The following TRIM58 variants were observed in gnomAD, a reference collection of about 807,000 sequenced individuals.
TRIM58 encodes the protein tripartite motif containing 58, also known as E3 ubiquitin-protein ligase TRIM58.
A neutral mutation model predicts 34.1 loss-of-function variants in TRIM58; 38 were observed. The ratio of observed to expected loss-of-function variants is 1.12; its 90% CI spans 0.86 to 1.46. The LOEUF is 1.46. Ranked by LOEUF, TRIM58 falls within the 40% of genes most tolerant of loss-of-function variation. The pLI is 0.00. For synonymous variants in TRIM58, 273 were observed against 275.7 expected (o/e 0.99, Z 0.10); for missense variants, 677 against 642.0 (o/e 1.05, Z -0.59).
intron 3 of TRIM58, among the ~76,000 whole-genome samples, chr1:247,867,617 G>T (rs916437652): frequency 1.1e-4 from 17 of 152,130 alleles, no homozygotes; most frequent in African/African-American, 4.1e-4. Flanking sequence ...AGGCAGGGAG[G>T]TGGAGGTCGC....
At chr1:247,863,755 A>G (rs567913775) in intron 2 of TRIM58, among the ~76,000 whole-genome samples, 124 of 152,350 alleles carry the variant, frequency 8.1e-4, no homozygotes, top group Non-Finnish European at 1.4e-3. Context: ...TTGAGAGAAG[A>G]AAATCTAGAA....
intron 1 of TRIM58, 73 bp downstream of exon 1, chr1:247,857,739 G>T (rs547140075): frequency 2.5e-6 from 3 of 1,198,810 alleles, no homozygotes; most frequent in Non-Finnish European, 3.1e-6. Flanking sequence ...GAGCGGAGCC[G>T]CCGAGGCCAC....
At position 247,876,377 on chromosome 1, in the gene TRIM58, T is replaced by C. The variant is rs187060639; in HGVS notation, c.1349T>C (p.Ile450Thr). The C allele has an allele frequency of 1.1e-4, 182 of 1,614,220 alleles. No individual in the cohort carries two copies. In the East Asian group the frequency reaches 3.4e-3, roughly 30 times the overall value. The change falls in exon 6 of 6, where the codon ATC becomes ACC. Residue 450 changes from isoleucine to threonine, a missense_variant. Physicochemically the swap from Ile to Thr is moderately conservative, Grantham distance 89. Transcript: ENST00000366481. ...GGTCTTCTTCGGCCTTACTTTTTCA[T>C]CTGTGATGCAACTCCTCTTATCTTG... ...FSGLLRPYFF[I>T]CDATPLILPP...
In TRIM58 at chr1:247,877,640, A is replaced by C. The variant is rs1328725045; in HGVS notation, c.*1151A>C. On this transcript the variant is annotated 3_prime_UTR_variant, in exon 6 of 6. Transcript: ENST00000366481. Reference sequence around the variant, plus strand: ...TTTAGCTGCTTGTTATGGTTCCTATACATGGAACAATTATACTGGCCTCAC... The same window carrying C: ...TTTAGCTGCTTGTTATGGTTCCTATCCATGGAACAATTATACTGGCCTCAC... The C allele has an allele frequency of 6.6e-6, 1 of 152,118 alleles. No homozygotes were observed. The highest frequency in any genetic ancestry group is 2.4e-5 in the African/African-American group (1 of 41,408). 9.4% of individuals were successfully genotyped at this position (152,118 alleles called of 1,614,324 possible). A position where few individuals can be genotyped will look rare whatever the true frequency, so the allele number is the denominator to read the frequency against.
chr1:247,867,723 C>G, intron 3 of TRIM58, 122 bp from the exon 4 acceptor site: 1 of 1,122,282 alleles, frequency 8.9e-7, no homozygotes, highest in Non-Finnish European at 1.3e-6. Context: ...TTATTGTCCC[C>G]TATAATTTTA....
At chr1:247,869,435 G>C (rs1024046934) in intron 5 of TRIM58, among the ~76,000 whole-genome samples, 9 of 152,134 alleles carry the variant, frequency 5.9e-5, no homozygotes, top group African/African-American at 2.2e-4. Flanking sequence ...CATCTTATTA[G>C]CTTACAAAAG....
chr1:247,857,402 C>G lies in TRIM58; in HGVS notation c.156C>G (p.Gly52=). Residue 52 remains glycine (G), a synonymous_variant, in exon 1 of 6, where the codon GGC becomes GGG. Coordinates refer to ENST00000366481, the MANE Select transcript of TRIM58 (RefSeq NM_015431.4). ...GCGAGAAGTCGGACGGCGCGCAGGGCGGCGTCTACGCCTGTCCGCAGTGCC... is the reference window on the plus strand; with the variant it reads ...GCGAGAAGTCGGACGGCGCGCAGGGGGGCGTCTACGCCTGTCCGCAGTGCC... The part of the protein sequence containing the change: ...EFCEKSDGAQ[G]GVYACPQCRG... 2 of 1,520,412 alleles carry G rather than the reference C, an allele frequency of 1.3e-6. No individual in the cohort carries two copies. Among genetic ancestry groups the G allele is most frequent in the Non-Finnish European group, 1.8e-6 (2 of 1,133,122 alleles). The allele number at this position is 1,520,412 out of a possible 1,614,324, so 94.2% of individuals were successfully genotyped here.
chr1:247,858,213 C>T (rs1044308382), intron 1 of TRIM58, among the ~76,000 whole-genome samples: 6 of 152,136 alleles, frequency 3.9e-5, no homozygotes, highest in African/African-American at 1.4e-4. Flanking sequence ...GAAGTAGGAG[C>T]GGGTGGCTCT....
chr1:247,867,793 G>A, intron 3 of TRIM58, 52 bp from the exon 4 acceptor site: 1 of 1,611,392 alleles, frequency 6.2e-7, no homozygotes. Flanking sequence ...CAGTCTGACT[G>A]TGAAAAGCAG....
chr1:247,875,906 T>C lies in TRIM58; in HGVS notation c.878T>C (p.Val293Ala). The change falls in exon 6 of 6, where the codon GTA (valine) becomes GCA (alanine). Residue 293 changes from valine (V) to alanine (A), a missense_variant. Physicochemically the swap from Val to Ala is moderately conservative, Grantham distance 64 (BLOSUM62 0). Coordinates refer to ENST00000366481, the MANE Select transcript of TRIM58 (RefSeq NM_015431.4). ...CACCACATTCTTTCCGCAGTGGATG[T>C]AAAGCTGGATCCCGCCACGGCGCAC... ...RELLRKFQVD[V>A]KLDPATAHPS... The C allele has an allele frequency of 6.2e-7, 1 of 1,610,184 alleles. No individual in the cohort carries two copies. The highest frequency in any genetic ancestry group is 2.2e-5 in the East Asian group (1 of 44,814).
Position 247,879,479 on chromosome 1 carries a change from A to G in TRIM58, c.*2990A>G, listed in dbSNP as rs1280363868. Among the ~76,000 whole-genome samples the G allele has an allele frequency of 6.6e-6, 1 of 152,090 alleles. No individual in the cohort carries two copies. Among genetic ancestry groups the G allele is most frequent in the African/African-American group, 2.4e-5 (1 of 41,414 alleles). On this transcript the variant is annotated 3_prime_UTR_variant, in exon 6 of 6. Transcript: ENST00000366481. ...GCTGATTCCTTTAGCACCCAAGGAT[A>G]TGTTGGCATCACAGTGACTTAGATA...
intron 5 of TRIM58, among the ~76,000 whole-genome samples, chr1:247,869,919 AAGGGAGATGGGGAGGTGTGGATGATTTT>A (rs1659059494): frequency 6.6e-6 from 1 of 152,218 alleles, no homozygotes; most frequent in African/African-American, 2.4e-5. Context: ...TATTGGAGGA[AAGGGAGATGGGGAGGTGTGGATGATTTT>A]AGGGAGATAG....
chr1:247,867,855 G>A lies in TRIM58; in HGVS notation c.758G>A (p.Gly253Glu). 6.2e-7 allele frequency: 1 copy of A among 1,614,192 alleles called. No individual in the cohort carries two copies. Among genetic ancestry groups the A allele is most frequent in the Non-Finnish European group, 8.5e-7 (1 of 1,180,030 alleles). The change falls in exon 4 of 6, where the codon GGA (glycine) becomes GAA (glutamate). Residue 253 changes from glycine to glutamate, a missense_variant. By Grantham distance (98) the Gly-to-Glu change is moderately conservative (BLOSUM62 -2). Transcript: ENST00000366481. ...TTCTTTCCTTTTCAGGGTGTGAGAG[G>A]AGTCCTGAGCAGGTATGTGTGCTTT... ...PALGLLEGVR[G>E]VLSRSKAVTR...
rs1659282576 is a variant in TRIM58, at chr1:247,876,222, A to G, written c.1194A>G (p.Pro398=). The G allele has an allele frequency of 6.2e-7, 1 of 1,614,224 alleles. No homozygotes were observed. The highest frequency in any genetic ancestry group is 1.3e-5 in the African/African-American group (1 of 75,052). ...KGNEYMVLAS[P]SVPLLQLESP... is the part of the protein sequence containing the mutation. ...ATGAGTACATGGTCCTTGCCTCCCC[A>G]TCAGTGCCTCTTCTCCAACTGGAAA... Residue 398 remains proline (P), a synonymous_variant, in exon 6 of 6, where the codon CCA becomes CCG. Transcript: ENST00000366481.
Position 247,876,577 on chromosome 1 carries a change from C to A in TRIM58, c.*88C>A. 1 of 978,696 alleles carries A rather than the reference C, an allele frequency of 1.0e-6. No homozygotes were observed. Among genetic ancestry groups the A allele is most frequent in the Non-Finnish European group, 1.5e-6 (1 of 669,048 alleles). The allele number at this position is 978,696 out of a possible 1,614,324, so 60.6% of individuals were successfully genotyped here. ...CAATATACTAAGTTTTAACAGATAC[C>A]CCATTTAGGTCAGCACTTGATTCGT... On this transcript the variant is annotated 3_prime_UTR_variant, in exon 6 of 6. Transcript: ENST00000366481.
Position 247,860,660 on chromosome 1 carries a change from A to G in TRIM58, c.464A>G (p.Glu155Gly). 6.2e-7 allele frequency: 1 copy of G among 1,613,868 alleles called. No homozygotes were observed. Among genetic ancestry groups the G allele is most frequent in the Non-Finnish European group, 8.5e-7 (1 of 1,179,878 alleles). The change falls in exon 2 of 6, where the codon GAG becomes GGG. Residue 155 changes from glutamate (E) to glycine (G), a missense_variant. Glu to Gly is a moderately conservative substitution (Grantham distance 98). Transcript: ENST00000366481. ...CTGGAACTTATGAGGAAAGAGTTGG[A>G]GGACGCCTTGACTCAGGAGGCCAAC... ...MALELMRKELEDALTQEANVG... is the reference protein window; with the variant it reads ...MALELMRKELGDALTQEANVG...
At position 247,857,301 on chromosome 1, in the gene TRIM58, T is replaced by G; in HGVS notation, c.55T>G (p.Cys19Gly). 1 of 1,418,304 alleles carries G rather than the reference T, an allele frequency of 7.1e-7. No homozygotes were observed. Among genetic ancestry groups the G allele is most frequent in the East Asian group, 2.9e-5 (1 of 34,660 alleles). 87.9% of individuals were successfully genotyped at this position (1,418,304 alleles called of 1,614,324 possible). A position where few individuals can be genotyped will look rare whatever the true frequency, so the allele number is the denominator to read the frequency against. ...GCGCGAGGATGCGCGGTGCCCGGTG[T>G]GCCTGGATTTCCTGCAGGAGCCGGT... ...RLREDARCPV[C>G]LDFLQEPVSV... The change falls in exon 1 of 6, where the codon TGC becomes GGC. Residue 19 changes from cysteine (C) to glycine (G), a missense_variant. Physicochemically the swap from Cys to Gly is radical, Grantham distance 159. Coordinates refer to ENST00000366481, the MANE Select transcript of TRIM58 (RefSeq NM_015431.4).
chr1:247,860,879 G>A (rs987090651), intron 2 of TRIM58, among the ~76,000 whole-genome samples, 167 bp downstream of exon 2: 2 of 152,048 alleles, frequency 1.3e-5, no homozygotes, highest in Admixed American at 6.6e-5. Context: ...CAAATGATAT[G>A]GTTCATTTTT....
intron 5 of TRIM58, among the ~76,000 whole-genome samples, chr1:247,875,366 A>G (rs1297026703): frequency 6.6e-6 from 1 of 152,120 alleles, no homozygotes; most frequent in Non-Finnish European, 1.5e-5. Context: ...AGTGCACTCA[A>G]ATGCTTTGGA....
Sources: allele counts gnomAD v4.1 joint callset (sites outside exome capture counted in the v4.1 genomes callset), GRCh38; gene constraint gnomAD v4.1.1; transcripts MANE v1.5; gene names NCBI Gene and HGNC (gene_info 2026-07-23, HGNC 2026-07-21).